The following UBE4A variants were observed in gnomAD, a reference collection of about 807,000 sequenced individuals.
The protein encoded by UBE4A is ubiquitination factor E4A, also known as ubiquitin conjugation factor E4 A.
UBE4A carries 48 observed loss-of-function variants against 117.9 expected under a neutral mutation model. That is an observed-to-expected ratio of 0.41 (90% CI 0.32 to 0.52). UBE4A has a LOEUF of 0.52. Ranked by LOEUF, UBE4A falls within the 20% of genes least tolerant of loss-of-function variation. The pLI, the probability that UBE4A is intolerant of heterozygous loss-of-function variation, is 0.33. For missense variants in UBE4A, 1,067 were observed against 1,296.3 expected (o/e 0.82, Z 2.72); for synonymous variants, 407 against 450.0 (o/e 0.90, Z 1.21).
intron 16 of UBE4A, among the ~76,000 whole-genome samples, chr11:118,388,641 T>A (rs1357022373): frequency 1.4e-5 from 2 of 145,348 alleles, no homozygotes; most frequent in African/African-American, 5.0e-5. Context: ...AGAATGAGAC[T>A]CTATCTCAAA....
At chr11:118,359,987 G>A (rs1305079158) in intron 1 of UBE4A, among the ~76,000 whole-genome samples, 1 of 152,138 alleles carries the variant, frequency 6.6e-6, no homozygotes. Flanking sequence ...TGCCCCGGGC[G>A]GGTGGATCTC....
chr11:118,373,656 A>G lies in UBE4A; in HGVS notation c.1087A>G (p.Ile363Val). The stretch of plus-strand genomic sequence containing the variant: ...TCCATCTCGTTCCAGCCCCCAGGAG[A>G]TCAAAGTACAGGAGGCCAACATCCA... ...LNPSRSSPQE[I>V]KVQEANIHQF... Residue 363 changes from isoleucine (I) to valine (V), a missense_variant, in exon 8 of 20, where the codon ATC (isoleucine) becomes GTC (valine). Physicochemically the swap from Ile to Val is conservative, Grantham distance 29. Transcript: ENST00000252108. 2 of 1,614,096 alleles carry G rather than the reference A, an allele frequency of 1.2e-6. No homozygotes were observed. Among genetic ancestry groups the G allele is most frequent in the Non-Finnish European group, 1.7e-6 (2 of 1,180,012 alleles).
At chr11:118,372,429 C>T (rs540440376) in intron 5 of UBE4A, 78 bp from the exon 6 acceptor site, 8 of 1,438,500 alleles carry the variant, frequency 5.6e-6, no homozygotes, top group Non-Finnish European at 7.5e-6. Context: ...TATGTCTCTT[C>T]TATTGTATTC....
chr11:118,387,694 C>G (rs894808253), intron 16 of UBE4A, among the ~76,000 whole-genome samples: 4 of 152,116 alleles, frequency 2.6e-5, no homozygotes, highest in Non-Finnish European at 5.9e-5. Context: ...AAACAAGACC[C>G]TAAAATAGCC....
rs762020638 is a variant in UBE4A at position 118,365,093 on chromosome 11, G to C, written c.13G>C (p.Glu5Gln). Residue 5 changes from glutamate to glutamine, a missense_variant, in exon 2 of 20, where the codon GAG becomes CAG. Coordinates refer to ENST00000252108, the MANE Select transcript of UBE4A (RefSeq NM_001204077.2). ...ACCTTAAAGTGAAATGACAGACCAG[G>C]AGAATAACAACAACATCTCAAGTAA... MTDQ[E>Q]NNNNISSNPF... 11 of 1,613,930 alleles carry C rather than the reference G, an allele frequency of 6.8e-6. No homozygotes were observed. The highest frequency in any genetic ancestry group is 9.3e-6 in the Non-Finnish European group (11 of 1,179,938).
chr11:118,374,956 C>G lies in UBE4A; in HGVS notation c.1177C>G (p.Pro393Ala), dbSNP rs1555125113. 2.7e-5 allele frequency: 43 copies of G among 1,586,182 alleles called. No homozygotes were observed. Among genetic ancestry groups the G allele is most frequent in the Non-Finnish European group, 3.5e-5 (41 of 1,163,730 alleles). Reference sequence around the variant, plus strand: ...GCTGAAGAACTTACTCCAGCTCTCTCCAGAAACCAAACACTGTATCTTGTC... The same window carrying G: ...GCTGAAGAACTTACTCCAGCTCTCTGCAGAAACCAAACACTGTATCTTGTC... ...QMLKNLLQLS[P>A]ETKHCILSWL... is the part of the protein sequence containing the mutation. The change falls in exon 9 of 20, where the codon CCA becomes GCA. Residue 393 changes from proline to alanine, a missense_variant. By Grantham distance (27) the Pro-to-Ala change is conservative. Coordinates refer to ENST00000252108, the MANE Select transcript of UBE4A (RefSeq NM_001204077.2).
intron 2 of UBE4A, 115 bp downstream of exon 2, chr11:118,365,316 G>T: frequency 2.9e-6 from 4 of 1,389,364 alleles, no homozygotes; most frequent in Non-Finnish European, 3.8e-6. Flanking sequence ...ACAAAAGTTG[G>T]TTTTTGTTTG....
chr11:118,370,636 AG>A, intron 4 of UBE4A, among the ~76,000 whole-genome samples: 1 of 151,642 alleles, frequency 6.6e-6, no homozygotes, highest in Non-Finnish European at 1.5e-5. Context: ...AAAAAAAAAA[AG>A]AACACCCAAG....
chr11:118,380,845 T>C (rs1384026062), intron 11 of UBE4A, among the ~76,000 whole-genome samples: 1 of 152,192 alleles, frequency 6.6e-6, no homozygotes, highest in Non-Finnish European at 1.5e-5. Context: ...ACTCATGATA[T>C]GGCAGCTGGC....
At position 118,396,421 on chromosome 11, in the gene UBE4A, A is replaced by G. The variant is rs1555129732; in HGVS notation, c.3182A>G (p.Gln1061Arg). The part of the protein sequence containing the change: ...IQRWLAERKQ[Q>R]KEQLE ...CGGTGGCTTGCAGAGAGGAAACAAC[A>G]AAAGGAGCAACTTGAATAGATACTG... Residue 1061 changes from glutamine (Q) to arginine (R), a missense_variant, in exon 20 of 20, where the codon CAA becomes CGA. Coordinates refer to ENST00000252108, the MANE Select transcript of UBE4A (RefSeq NM_001204077.2). 3.1e-6 allele frequency: 5 copies of G among 1,613,898 alleles called. No homozygotes were observed. The highest frequency in any genetic ancestry group is 1.7e-6 in the Non-Finnish European group (2 of 1,179,890).
At chr11:118,384,073 T>C (rs528170550) in intron 13 of UBE4A, among the ~76,000 whole-genome samples, 135 of 152,310 alleles carry the variant, frequency 8.9e-4, no homozygotes, top group African/African-American at 3.2e-3. Flanking sequence ...AATGAAAACG[T>C]AGGTCTTTTG....
In UBE4A at chr11:118,386,473, G is replaced by T. The variant is rs782632423; in HGVS notation, c.2448G>T (p.Lys816Asn). Residue 816 changes from lysine to asparagine, a missense_variant, in exon 16 of 20, where the codon AAG (lysine) becomes AAT (asparagine). Physicochemically the swap from Lys to Asn is moderately conservative, Grantham distance 94. This residue lies in a region of UBE4A where 1,001 missense variants were observed against 1,184.0 expected (regional missense o/e 0.85). Transcript: ENST00000252108. ...AGATAAAGATTCAGCAAATTGAGAA[G>T]GATCGAGGTGAATGGGATAGTCTGA... ...LSKIKIQQIE[K>N]DRGEWDSLTP... The T allele has an allele frequency of 6.2e-7, 1 of 1,608,414 alleles. No individual in the cohort carries two copies. Among genetic ancestry groups the T allele is most frequent in the South Asian group, 1.1e-5 (1 of 90,172 alleles).
At chr11:118,391,629 C>T (rs934815955) in intron 18 of UBE4A, among the ~76,000 whole-genome samples, 2 of 151,264 alleles carry the variant, frequency 1.3e-5, no homozygotes, top group Non-Finnish European at 2.9e-5. Context: ...CCCATCTCTA[C>T]TAAAAATACA....
At position 118,386,421 on chromosome 11, in the gene UBE4A, A is replaced by G. The variant is rs782647525; in HGVS notation, c.2413-17A>G. 1 of 1,596,698 alleles carries G rather than the reference A, an allele frequency of 6.3e-7. No individual in the cohort carries two copies. Among genetic ancestry groups the G allele is most frequent in the Non-Finnish European group, 8.5e-7 (1 of 1,174,526 alleles). On this transcript the variant is annotated splice_polypyrimidine_tract_variant and intron_variant, in intron 15 of 19. Transcript: ENST00000252108. The stretch of plus-strand genomic sequence containing the variant: ...GCACCTTTCTTCTCTGATATATCCC[A>G]TCTCTGGTTTCTGCAGTATTTGAGC...
At chr11:118,362,018 T>C (rs1296210631) in intron 1 of UBE4A, among the ~76,000 whole-genome samples, 2 of 152,200 alleles carry the variant, frequency 1.3e-5, no homozygotes, top group South Asian at 2.1e-4. Context: ...AGAGGTAAAA[T>C]GTAGAAAGCT....
chr11:118,389,684 C>G (rs1555127875), intron 16 of UBE4A, 41 bp from the exon 17 acceptor site: 1 of 1,536,456 alleles, frequency 6.5e-7, no homozygotes, highest in East Asian at 2.3e-5. Flanking sequence ...GAAAAGAGTG[C>G]TAATGGATTG....
Position 118,366,856 on chromosome 11 carries a change from G to T in UBE4A, c.121+1655G>T, listed in dbSNP as rs548414565. 1.7e-4 allele frequency among the ~76,000 whole-genome samples: 26 copies of T among 152,322 alleles called. 1 individual carries two copies. In the South Asian group the frequency reaches 5.2e-3, roughly 30 times the overall value. ...GGCCTAGGTGGGCAGATCACCGGAGGTCAGGAGTTCGAGACCAGCCTGGCC... is the reference window on the plus strand; with the variant it reads ...GGCCTAGGTGGGCAGATCACCGGAGTTCAGGAGTTCGAGACCAGCCTGGCC... On this transcript the variant is annotated intron_variant, in intron 2 of 19. Transcript: ENST00000252108.
chr11:118,382,356 A>G (rs543164743), intron 12 of UBE4A, among the ~76,000 whole-genome samples: 1 of 152,130 alleles, frequency 6.6e-6, no homozygotes, highest in East Asian at 1.9e-4. Flanking sequence ...TTAAGTGCTC[A>G]CCGTCATATT....
chr11:118,390,356 G>GTATATATATTAAA (rs1382922594), intron 17 of UBE4A, among the ~76,000 whole-genome samples: 1 of 145,094 alleles, frequency 6.9e-6, no homozygotes, highest in African/African-American at 2.5e-5. Flanking sequence ...GTATCAAAAA[G>GTATATATATTAAA]TATATATATT....
Sources: allele counts gnomAD v4.1 joint callset (sites outside exome capture counted in the v4.1 genomes callset), GRCh38; gene constraint gnomAD v4.1.1; regional missense constraint gnomAD v4.1.1; transcripts MANE v1.5; gene names NCBI Gene and HGNC (gene_info 2026-07-23, HGNC 2026-07-21).